COX7B2: variants seen among roughly 807,000 people sequenced by gnomAD.
COX7B2 encodes cytochrome c oxidase subunit 7B2, mitochondrial.
For synonymous variants in COX7B2, 37 were observed against 32.1 expected (o/e 1.15, Z -0.51); for missense variants, 109 against 95.9 (o/e 1.14, Z -0.57).
At chr4:46,877,797 C>G (rs1406965921) in intron 1 of COX7B2, among the ~76,000 whole-genome samples, 1 of 152,084 alleles carries the variant, frequency 6.6e-6, no homozygotes, top group African/African-American at 2.4e-5. Context: ...TAAATTGATA[C>G]AGACATTACA....
intron 2 of COX7B2, among the ~76,000 whole-genome samples, chr4:46,754,830 G>C (rs1166987996): frequency 6.8e-6 from 1 of 147,988 alleles, no homozygotes; most frequent in East Asian, 2.0e-4. Flanking sequence ...AGAAAGCCAG[G>C]ACCAGCTAGA....
intron 2 of COX7B2, among the ~76,000 whole-genome samples, chr4:46,804,501 C>G (rs1718867599): frequency 6.6e-6 from 1 of 152,110 alleles, no homozygotes; most frequent in Admixed American, 6.6e-5. Flanking sequence ...AAAAAGTTCT[C>G]CACATCCCCA....
chr4:46,820,052 G>A (rs185360841), intron 2 of COX7B2, among the ~76,000 whole-genome samples: 1 of 152,310 alleles, frequency 6.6e-6, no homozygotes, highest in Admixed American at 6.5e-5. Context: ...TCACAGACCA[G>A]TCGGGATGGT....
chr4:46,837,274 T>TACACACACACAC (rs33927124), intron 2 of COX7B2, among the ~76,000 whole-genome samples: 1 of 133,260 alleles, frequency 7.5e-6, no homozygotes, highest in African/African-American at 2.7e-5. Context: ...CACAAAGACA[T>TACACACACACAC]ACACACACAC....
chr4:46,774,467 G>A (rs1560371926), intron 2 of COX7B2, among the ~76,000 whole-genome samples: 1 of 151,986 alleles, frequency 6.6e-6, no homozygotes, highest in Non-Finnish European at 1.5e-5. Context: ...TTTGTGGATA[G>A]TCCTATTATA....
intron 2 of COX7B2, among the ~76,000 whole-genome samples, chr4:46,770,526 C>T (rs1236762772): frequency 4.6e-5 from 7 of 151,930 alleles, no homozygotes; most frequent in African/African-American, 1.7e-4. Flanking sequence ...TAAAAGAATT[C>T]CTAAATCAAT....
chr4:46,835,419 TAC>T (rs1267007429), intron 2 of COX7B2, among the ~76,000 whole-genome samples: 1 of 151,648 alleles, frequency 6.6e-6, no homozygotes, highest in Non-Finnish European at 1.5e-5. Context: ...TGTTACGAGA[TAC>T]GCAAACAAGT....
At chr4:46,747,041 C>T (rs1466541141) in intron 2 of COX7B2, among the ~76,000 whole-genome samples, 1 of 151,992 alleles carries the variant, frequency 6.6e-6, no homozygotes, top group Non-Finnish European at 1.5e-5. Context: ...GACATCTTTC[C>T]CAAACAAACA....
chr4:46,870,279 C>T (rs191064581), intron 1 of COX7B2, among the ~76,000 whole-genome samples: 4 of 151,550 alleles, frequency 2.6e-5, no homozygotes, highest in African/African-American at 9.7e-5. Flanking sequence ...TGATAAAATT[C>T]AATAACCCTT....
Position 46,735,221 on chromosome 4 carries a change from G to T in COX7B2, c.-29C>A. The stretch of plus-strand genomic sequence containing the variant: ...GGATTGCAGTTGCCTTCAGCTACTG[G>T]TCTATTTTGTTGCAAAGAGGCTGGA... On this transcript the variant is annotated 5_prime_UTR_variant, in exon 3 of 3. Coordinates refer to ENST00000355591, the MANE Select transcript of COX7B2 (RefSeq NM_130902.3). 1.2e-6 allele frequency: 2 copies of T among 1,610,668 alleles called. No homozygotes were observed. Among genetic ancestry groups the T allele is most frequent in the African/African-American group, 1.3e-5 (1 of 74,812 alleles).
At chr4:46,879,778 G>C (rs1718591524) in intron 1 of COX7B2, among the ~76,000 whole-genome samples, 1 of 151,282 alleles carries the variant, frequency 6.6e-6, no homozygotes, top group African/African-American at 2.4e-5. Context: ...ATTTGAAGGA[G>C]TGCCGTTCCA....
intron 2 of COX7B2, among the ~76,000 whole-genome samples, chr4:46,828,459 C>G (rs1009866007): frequency 3.9e-5 from 6 of 152,044 alleles, no homozygotes; most frequent in Non-Finnish European, 5.9e-5. Flanking sequence ...CTGGGTTTTG[C>G]TGACGGACTT....
At chr4:46,809,585 T>C (rs879304045) in intron 2 of COX7B2, among the ~76,000 whole-genome samples, 4 of 152,034 alleles carry the variant, frequency 2.6e-5, no homozygotes, top group Non-Finnish European at 4.4e-5. Context: ...GAATTTTTCA[T>C]GATTTATCTA....
chr4:46,739,304 C>T (rs753509149), intron 2 of COX7B2, among the ~76,000 whole-genome samples: 1 of 152,018 alleles, frequency 6.6e-6, no homozygotes, highest in African/African-American at 2.4e-5. Context: ...GTGTATTCAA[C>T]TCTGAGTATT....
chr4:46,874,841 T>C (rs2036941), intron 1 of COX7B2, among the ~76,000 whole-genome samples: 64,277 of 151,956 alleles, frequency 0.42, 13,780 homozygotes, highest in South Asian at 0.53. Context: ...CTTATTGTTT[T>C]CCTTTTGTTG....
chr4:46,870,691 C>A (rs140505573), intron 1 of COX7B2, among the ~76,000 whole-genome samples: 55 of 152,064 alleles, frequency 3.6e-4, no homozygotes, highest in Non-Finnish European at 5.9e-5. Flanking sequence ...CAGTACACCA[C>A]CAACAACCAA....
intron 2 of COX7B2, among the ~76,000 whole-genome samples, chr4:46,799,633 G>T (rs777608111): frequency 1.3e-5 from 2 of 152,086 alleles, no homozygotes; most frequent in Non-Finnish European, 2.9e-5. Context: ...TTTGTTTTTA[G>T]TTCTGTTTAT....
At chr4:46,900,503 A>G (rs1720015566) in intron 1 of COX7B2, among the ~76,000 whole-genome samples, 1 of 151,994 alleles carries the variant, frequency 6.6e-6, no homozygotes, top group African/African-American at 2.4e-5. Context: ...GCAGGGGAGG[A>G]GGGGGGTCTT....
chr4:46,776,247 G>A (rs1717147558), intron 2 of COX7B2, among the ~76,000 whole-genome samples: 1 of 152,016 alleles, frequency 6.6e-6, no homozygotes, highest in Non-Finnish European at 1.5e-5. Context: ...TATGCATACA[G>A]TATTCCCAAA....
Sources: allele counts gnomAD v4.1 joint callset (sites outside exome capture counted in the v4.1 genomes callset), GRCh38; gene constraint gnomAD v4.1.1; transcripts MANE v1.5; gene names NCBI Gene and HGNC (gene_info 2026-07-23, HGNC 2026-07-21).